TULP2: variants seen among roughly 807,000 people sequenced by gnomAD.
The protein encoded by TULP2 is tubby-related protein 2.
In TULP2, 64 loss-of-function variants were observed where a neutral mutation model predicts 60.3. That is an observed-to-expected ratio of 1.06 (90% CI 0.87 to 1.31). The LOEUF (loss-of-function observed/expected upper bound fraction) is 1.31, where lower values mean the gene tolerates loss of function less well. Ranked by LOEUF, TULP2 falls within the 50% of genes most tolerant of loss-of-function variation. The pLI is 0.00. For synonymous variants in TULP2, 267 were observed against 265.4 expected (o/e 1.01, Z -0.06); for missense variants, 652 against 667.0 (o/e 0.98, Z 0.25).
At chr19:48,896,239 G>A (rs1370615875) in intron 4 of TULP2, among the ~76,000 whole-genome samples, 191 bp downstream of exon 4, 20 of 151,372 alleles carry the variant, frequency 1.3e-4, no homozygotes, top group South Asian at 8.3e-4. Context: ...GTCCTGCCGC[G>A]GGGGGCCCCC....
At chr19:48,896,599 T>A (rs368263738) in intron 3 of TULP2, 43 bp from the exon 4 acceptor site, 3 of 1,544,168 alleles carry the variant, frequency 1.9e-6, no homozygotes, top group South Asian at 2.4e-5. Context: ...AGGAACCAGA[T>A]GGGAAGACAG....
Position 48,881,083 on chromosome 19 carries a change from T to C in TULP2, c.1491A>G (p.Thr497=). 2 of 1,613,820 alleles carry C rather than the reference T, an allele frequency of 1.2e-6. No individual in the cohort carries two copies. The highest frequency in any genetic ancestry group is 2.7e-5 in the African/African-American group (2 of 74,940). ...VLQFGRVGPD[T]FTMDFCFPFS... is the part of the protein sequence containing the mutation. ...ATGGAAAGCAGAAGTCCATGGTGAATGTGTCTGGGCCCACTCGGCCGAACT... is the reference window on the plus strand; with the variant it reads ...ATGGAAAGCAGAAGTCCATGGTGAACGTGTCTGGGCCCACTCGGCCGAACT... Residue 497 remains threonine, a synonymous_variant, in exon 13 of 13, where the codon ACA becomes ACG. Transcript: ENST00000221399.
intron 6 of TULP2, among the ~76,000 whole-genome samples, chr19:48,893,745 G>A (rs374540516): frequency 3.3e-5 from 5 of 152,084 alleles, no homozygotes; most frequent in Admixed American, 1.3e-4. Flanking sequence ...GTAGAGACTG[G>A]GTTTCACCAT....
chr19:48,889,599 C>T lies in TULP2; in HGVS notation c.547G>A (p.Asp183Asn). The change falls in exon 7 of 13, where the codon GAT becomes AAT. Residue 183 changes from aspartate (D) to asparagine (N), a missense_variant. Coordinates refer to ENST00000221399, the MANE Select transcript of TULP2 (RefSeq NM_003323.3). Reference protein sequence around the residue: ...TRAEGESDSQDMGDAHKSPNM... With the variant: ...TRAEGESDSQNMGDAHKSPNM... The stretch of plus-strand genomic sequence containing the variant: ...GGTGACTTGTGTGCATCTCCCATAT[C>T]CTGGGAGTCACTCTCACCCTCTGCA... 1 of 1,585,836 alleles carries T rather than the reference C, an allele frequency of 6.3e-7. No individual in the cohort carries two copies. Among genetic ancestry groups the T allele is most frequent in the East Asian group, 2.3e-5 (1 of 44,010 alleles).
Position 48,897,734 on chromosome 19 carries a change from C to T in TULP2, c.32+103G>A, listed in dbSNP as rs6650758. On this transcript the variant is annotated intron_variant, in intron 2 of 12. Transcript: ENST00000221399. This position sits in a 1 kb window ranked among gnomAD's most constrained non-coding sequence, Gnocchi z 4.0. ...GGTCCCCAGCCCCTTCCTGCAAGGC[C>T]GATGGTGCTGAACCTGCAAACATGG... The T allele has an allele frequency of 5.5e-6, 7 of 1,269,274 alleles. No individual in the cohort carries two copies. Among genetic ancestry groups the T allele is most frequent in the African/African-American group, 2.9e-5 (2 of 67,894 alleles). The allele number at this position is 1,269,274 out of a possible 1,614,324, so 78.6% of individuals were successfully genotyped here. A position where few individuals can be genotyped will look rare whatever the true frequency, so the allele number is the denominator to read the frequency against.
chr19:48,886,524 T>A (rs2037180641), intron 8 of TULP2, among the ~76,000 whole-genome samples: 2 of 151,000 alleles, frequency 1.3e-5, no homozygotes, highest in Admixed American at 6.6e-5. Flanking sequence ...CCAAGAAAAA[T>A]GGGTTTGGTT....
At position 48,897,984 on chromosome 19, in the gene TULP2, T is replaced by TGTA; in HGVS notation, c.-1-116_-1-115insTAC. On this transcript the variant is annotated intron_variant, in intron 1 of 12. Coordinates refer to ENST00000221399, the MANE Select transcript of TULP2 (RefSeq NM_003323.3). The surrounding 1 kb of genome is among the most constrained non-coding windows in gnomAD (Gnocchi z 4.0). ...ATTTATTTATTTATTTATTTATGTA[T>TGTA]TTAGAGACAGCTGAGCCTCGCTCTG... is the stretch of plus-strand genomic sequence containing the variant. The TGTA allele has an allele frequency of 1.1e-6, 1 of 888,464 alleles. No individual in the cohort carries two copies. 55.0% of individuals were successfully genotyped at this position (888,464 alleles called of 1,614,324 possible). A position where few individuals can be genotyped will look rare whatever the true frequency, so the allele number is the denominator to read the frequency against.
In TULP2 at chr19:48,889,563, G is replaced by A. The variant is rs2037214046; in HGVS notation, c.583C>T (p.Pro195Ser). 7 of 1,587,162 alleles carry A rather than the reference G, an allele frequency of 4.4e-6. No homozygotes were observed. The South Asian group carries it at 6.7e-5, about 15-fold the overall frequency. Reference protein sequence around the residue: ...GDAHKSPNMGPNPGMDGDCVY... With the variant: ...GDAHKSPNMGSNPGMDGDCVY... Reference sequence around the variant, plus strand: ...CAGTCACCATCCATTCCAGGGTTTGGTCCCATATTGGGTGACTTGTGTGCA... The same window carrying A: ...CAGTCACCATCCATTCCAGGGTTTGATCCCATATTGGGTGACTTGTGTGCA... The change falls in exon 7 of 13, where the codon CCA becomes TCA. Residue 195 changes from proline (P) to serine (S), a missense_variant. Transcript: ENST00000221399.
intron 12 of TULP2, 66 bp from the exon 13 acceptor site, chr19:48,881,192 A>AAT: frequency 3.3e-6 from 2 of 614,570 alleles, no homozygotes; most frequent in African/African-American, 2.5e-5. Flanking sequence ...GAGAACTGAG[A>AAT]CTTTTTTTTT....
chr19:48,891,319 G>A (rs1466761396), intron 6 of TULP2, among the ~76,000 whole-genome samples: 7 of 47,308 alleles, frequency 1.5e-4, no homozygotes, highest in Admixed American at 9.2e-4. Context: ...GCGAGACTCC[G>A]TCTCAAAAAA....
intron 9 of TULP2, among the ~76,000 whole-genome samples, chr19:48,884,724 T>C (rs1400861312): frequency 2.7e-5 from 4 of 149,740 alleles, no homozygotes; most frequent in African/African-American, 9.8e-5. Context: ...GAGCCGAGAT[T>C]ACGCCATCGC....
chr19:48,885,895 T>TA (rs2037175445), intron 8 of TULP2, among the ~76,000 whole-genome samples: 1 of 150,732 alleles, frequency 6.6e-6, no homozygotes, highest in East Asian at 2.0e-4. Context: ...AAAACAAAAA[T>TA]AAAAAATAAT....
rs111754289 is a variant in TULP2 at position 48,897,783 on chromosome 19, C to T, written c.32+54G>A. ...GGTTATGAAGCCAGAGCCGAGTGCACGGGGTCCCCAGCCCTTTCCACCTCC... is the reference window on the plus strand; with the variant it reads ...GGTTATGAAGCCAGAGCCGAGTGCATGGGGTCCCCAGCCCTTTCCACCTCC... On this transcript the variant is annotated intron_variant, in intron 2 of 12. Transcript: ENST00000221399. The surrounding 1 kb of genome is among the most constrained non-coding windows in gnomAD (Gnocchi z 4.0). The T allele has an allele frequency of 2.7e-3, 4,328 of 1,592,626 alleles. 95 individuals are homozygous for T. The African/African-American group carries it at 0.047, about 17-fold the overall frequency.
chr19:48,888,698 T>C (rs1189119970), intron 7 of TULP2, among the ~76,000 whole-genome samples: 2 of 152,164 alleles, frequency 1.3e-5, no homozygotes, highest in African/African-American at 4.8e-5. Flanking sequence ...CTCGGTTCAC[T>C]GCAACCTCTG....
At chr19:48,896,896 T>A (rs925716105) in intron 3 of TULP2, among the ~76,000 whole-genome samples, 3 of 151,210 alleles carry the variant, frequency 2.0e-5, no homozygotes, top group Admixed American at 2.0e-4. Context: ...CTTACTTTTT[T>A]TTTTTCTTTT....
Position 48,883,815 on chromosome 19 carries a change from A to C in TULP2, c.1214T>G (p.Met405Arg). ...NVLGYLGPRK[M>R]TVILPGTNSQ... ...GTTGGTTCCTGGGAGAATCACAGTC[A>C]TTTTCCGAGGCCCCAGGTATCCTAA... The change falls in exon 11 of 13, where the codon ATG becomes AGG. Residue 405 changes from methionine to arginine, a missense_variant. Coordinates refer to ENST00000221399, the MANE Select transcript of TULP2 (RefSeq NM_003323.3). The C allele has an allele frequency of 1.2e-6, 2 of 1,613,958 alleles. No individual in the cohort carries two copies. The highest frequency in any genetic ancestry group is 1.7e-6 in the Non-Finnish European group (2 of 1,179,994).
intron 12 of TULP2, among the ~76,000 whole-genome samples, chr19:48,881,413 G>A (rs1330825438): frequency 4.6e-5 from 6 of 130,596 alleles, no homozygotes; most frequent in African/African-American, 1.8e-4. Context: ...ATGGAGTCTC[G>A]CTCTGTTGCC....
intron 6 of TULP2, among the ~76,000 whole-genome samples, chr19:48,893,041 A>G (rs1368054053): frequency 2.0e-5 from 3 of 151,976 alleles, no homozygotes; most frequent in African/African-American, 7.2e-5. Flanking sequence ...CCAGGAGTTC[A>G]AGACCAGCCT....
At chr19:48,892,736 C>T (rs966915115) in intron 6 of TULP2, among the ~76,000 whole-genome samples, 3 of 152,190 alleles carry the variant, frequency 2.0e-5, no homozygotes, top group African/African-American at 7.2e-5. Context: ...CGTGATCCGC[C>T]CGCCTCGGCC....
Sources: allele counts gnomAD v4.1 joint callset (sites outside exome capture counted in the v4.1 genomes callset), GRCh38; gene constraint gnomAD v4.1.1; non-coding constraint Gnocchi (gnomAD v3.1); transcripts MANE v1.5; gene names NCBI Gene and HGNC (gene_info 2026-07-23, HGNC 2026-07-21).